The following HDAC9 variants were observed in gnomAD, a reference collection of about 807,000 sequenced individuals.
The protein encoded by HDAC9 is MEF-2 interacting transcription repressor (MITR) protein.
Under a neutral mutation model 139.4 loss-of-function variants are expected in HDAC9, and 41 were observed. The observed-to-expected ratio is 0.29, with a 90% CI of 0.23 to 0.38. The LOEUF (loss-of-function observed/expected upper bound fraction) is 0.38, where lower values mean the gene tolerates loss of function less well. Among genes scored for constraint, HDAC9 ranks in the 10% least tolerant of loss-of-function variants. The pLI, the probability that HDAC9 is intolerant of heterozygous loss-of-function variation, is 1.00. For synonymous variants in HDAC9, 517 were observed against 476.2 expected (o/e 1.09, Z -1.12); for missense variants, 1,147 against 1,297.0 (o/e 0.88, Z 1.78).
At position 18,594,413 on chromosome 7, in the gene HDAC9, C is replaced by T. The variant is rs986418631; in HGVS notation, c.664+384C>T. The stretch of plus-strand genomic sequence containing the variant: ...GTACCTCAACCATTTACCACAAAAA[C>T]GAGAATAATAAAGTTTAATTTTTCC... On this transcript the variant is annotated intron_variant, in intron 6 of 25. Coordinates refer to ENST00000686413, the MANE Select transcript of HDAC9 (RefSeq NM_178425.4). Among the ~76,000 whole-genome samples the T allele has an allele frequency of 6.5e-4, 99 of 151,812 alleles. 2 individuals are homozygous for T. The highest frequency in any genetic ancestry group is 2.2e-4 in the Non-Finnish European group (15 of 67,946).
intron 21 of HDAC9, among the ~76,000 whole-genome samples, chr7:18,864,720 T>A (rs1389101954): frequency 6.6e-6 from 1 of 151,570 alleles, no homozygotes; most frequent in Non-Finnish European, 1.5e-5. Flanking sequence ...GAAATTGGAA[T>A]GGTGGTTGCC....
In HDAC9 at chr7:18,980,715, C is replaced by CT. The variant is rs1554418457; in HGVS notation, c.3170+4763dup. The stretch of plus-strand genomic sequence containing the variant: ...TCTTCTTCCTTCTTCTTCCTTCTTC[C>CT]TCTTCTTCTTCCTTCTTCTTCTTCT... On this transcript the variant is annotated intron_variant, in intron 25 of 25. Coordinates refer to ENST00000686413, the MANE Select transcript of HDAC9 (RefSeq NM_178425.4). Among the ~76,000 whole-genome samples, 387 of 133,504 alleles carry CT rather than the reference C, an allele frequency of 2.9e-3. 1 individual carries two copies. Among genetic ancestry groups the CT allele is most frequent in the East Asian group, 0.01 (46 of 4,446 alleles). The allele number at this position is 133,504 out of a possible 152,430, so 87.6% of individuals were successfully genotyped here.
intron 2 of HDAC9, among the ~76,000 whole-genome samples, chr7:18,180,414 T>C (rs1789328701): frequency 1.3e-5 from 2 of 151,592 alleles, no homozygotes; most frequent in African/African-American, 4.8e-5. Context: ...TCTTTTTTCT[T>C]TTTTTTTTCC....
At chr7:18,893,285 A>G (rs1034344555) in intron 22 of HDAC9, among the ~76,000 whole-genome samples, 2 of 152,160 alleles carry the variant, frequency 1.3e-5, no homozygotes, top group Non-Finnish European at 2.9e-5. Flanking sequence ...TGTGCTTTAC[A>G]CAAGGGGCAG....
chr7:18,653,606 T>A (rs1338214375), intron 11 of HDAC9, among the ~76,000 whole-genome samples: 2 of 152,136 alleles, frequency 1.3e-5, no homozygotes, highest in African/African-American at 4.8e-5. Flanking sequence ...TTGACATGAG[T>A]GCTATTTTAT....
chr7:18,317,962 G>GA (rs1799772857), intron 1 of HDAC9, among the ~76,000 whole-genome samples: 1 of 152,152 alleles, frequency 6.6e-6, no homozygotes. Context: ...GTGGAAATGG[G>GA]AAGAGAGTCT....
At chr7:18,515,529 C>G (rs1319025189) in intron 2 of HDAC9, among the ~76,000 whole-genome samples, 1 of 152,194 alleles carries the variant, frequency 6.6e-6, no homozygotes, top group East Asian at 1.9e-4. Context: ...ACCCTTCAGG[C>G]CACAGTATCC....
chr7:18,629,259 G>T (rs1584343983), intron 6 of HDAC9, 91 bp from the exon 7 acceptor site: 6 of 1,198,368 alleles, frequency 5.0e-6, no homozygotes, highest in Non-Finnish European at 6.8e-6. Context: ...CCAAGAAAAG[G>T]GTGAGACTTT....
intron 1 of HDAC9, among the ~76,000 whole-genome samples, chr7:18,115,939 A>G (rs978905795): frequency 6.6e-6 from 1 of 152,160 alleles, no homozygotes; most frequent in African/African-American, 2.4e-5. Flanking sequence ...GTGGACCCTA[A>G]CCACTTCACT....
intron 12 of HDAC9, among the ~76,000 whole-genome samples, chr7:18,702,700 TAA>T (rs1783586885): frequency 2.0e-5 from 3 of 152,198 alleles, no homozygotes; most frequent in Non-Finnish European, 4.4e-5. Flanking sequence ...ATCTGCATAG[TAA>T]CAAACCTGTC....
At chr7:18,689,105 A>G (rs2129096075) in intron 12 of HDAC9, among the ~76,000 whole-genome samples, 1 of 152,128 alleles carries the variant, frequency 6.6e-6, no homozygotes, top group African/African-American at 2.4e-5. Flanking sequence ...ACGTTGAAAA[A>G]TAACTTACAA....
chr7:18,957,843 G>A lies in HDAC9; in HGVS notation c.3022+3613G>A, dbSNP rs116571464. Among the ~76,000 whole-genome samples, 1,283 of 152,208 alleles carry A rather than the reference G, an allele frequency of 8.4e-3. 27 individuals carry two copies. The highest frequency in any genetic ancestry group is 0.03 in the African/African-American group (1,232 of 41,520). The stretch of plus-strand genomic sequence containing the variant: ...GATTTCAGCCCACCTTCTAGCCCAG[G>A]TTCTGAAGGGTTCTTTTGTGCTGCA... On this transcript the variant is annotated intron_variant, in intron 24 of 25. Coordinates refer to ENST00000686413, the MANE Select transcript of HDAC9 (RefSeq NM_178425.4).
At chr7:18,876,316 A>G (rs1296726902) in intron 22 of HDAC9, among the ~76,000 whole-genome samples, 2 of 151,608 alleles carry the variant, frequency 1.3e-5, no homozygotes, top group Admixed American at 1.3e-4. Context: ...AATGCCTCCA[A>G]CTCCCCTCCC....
At chr7:18,215,254 A>T (rs568314185) in intron 2 of HDAC9, among the ~76,000 whole-genome samples, 2 of 152,174 alleles carry the variant, frequency 1.3e-5, no homozygotes, top group Non-Finnish European at 2.9e-5. Context: ...GGCCAGTCGA[A>T]AAAAGCATTT....
intron 2 of HDAC9, among the ~76,000 whole-genome samples, chr7:18,195,988 C>T (rs564423574): frequency 6.6e-6 from 1 of 152,226 alleles, no homozygotes; most frequent in Admixed American, 6.5e-5. Flanking sequence ...CCGATTTTCT[C>T]CTTCTTTTAT....
intron 2 of HDAC9, among the ~76,000 whole-genome samples, chr7:18,579,410 T>C (rs970697660): frequency 6.6e-6 from 1 of 152,222 alleles, no homozygotes; most frequent in Non-Finnish European, 1.5e-5. Context: ...TTGAATATTG[T>C]TAAAGCAGAA....
chr7:18,712,010 C>G (rs1784381147), intron 12 of HDAC9, among the ~76,000 whole-genome samples: 1 of 151,808 alleles, frequency 6.6e-6, no homozygotes, highest in Non-Finnish European at 1.5e-5. Flanking sequence ...ATGCAAATGC[C>G]CAGTGGATGT....
intron 21 of HDAC9, among the ~76,000 whole-genome samples, chr7:18,863,256 G>A (rs947076341): frequency 2.6e-5 from 4 of 152,058 alleles, no homozygotes; most frequent in African/African-American, 9.7e-5. Context: ...AACCAGAGAG[G>A]GCATCACTGG....
At chr7:18,458,237 A>C (rs1048171215) in intron 1 of HDAC9, among the ~76,000 whole-genome samples, 14 of 152,170 alleles carry the variant, frequency 9.2e-5, no homozygotes, top group Admixed American at 2.6e-4. Context: ...AAAATGATGA[A>C]AAGAATGTAT....
Sources: gnomAD v4.1 joint callset for allele counts (sites outside exome capture counted in the v4.1 genomes callset) on GRCh38, gnomAD v4.1.1 for gene constraint, MANE v1.5 for transcripts, NCBI Gene and HGNC (gene_info 2026-07-23, HGNC 2026-07-21) for gene names.